Variants in LAMP2 observed in about 807,000 individuals in gnomAD.
LAMP2 encodes lysosome-associated membrane glycoprotein 2.
LAMP2 carries 4 observed loss-of-function variants against 25.6 expected under a neutral mutation model. The observed-to-expected ratio is 0.16, with a 90% CI of 0.08 to 0.36. The LOEUF (loss-of-function observed/expected upper bound fraction) is 0.36. Ranked by LOEUF, LAMP2 falls within the 10% of genes least tolerant of loss-of-function variation. LAMP2 has a pLI of 1.00. For missense variants in LAMP2, 272 were observed against 301.4 expected (o/e 0.90, Z 0.72); for synonymous variants, 108 against 112.7 (o/e 0.96, Z 0.27).
At chrX:120,435,553 C>T (rs1285879928) in intron 8 of LAMP2, among the ~76,000 whole-genome samples, 6 of 112,200 alleles carry the variant, frequency 5.3e-5, no homozygotes, top group African/African-American at 1.6e-4. Context: ...GTTCTTGATA[C>T]GTAACAAGTA....
chrX:120,435,474 C>T (rs1007831168), intron 8 of LAMP2, among the ~76,000 whole-genome samples: 3 of 111,954 alleles, frequency 2.7e-5, no homozygotes, highest in Non-Finnish European at 5.6e-5. Flanking sequence ...ATGTCCAAGT[C>T]TTATAAGAAT....
intron 8 of LAMP2, among the ~76,000 whole-genome samples, chrX:120,436,051 C>T (rs755057167): frequency 8.2e-5 from 9 of 109,659 alleles, no homozygotes; most frequent in Non-Finnish European, 1.3e-4. Context: ...AGAGATACTC[C>T]GCAGCTTTTA....
chrX:120,430,231 T>C lies in LAMP2; in HGVS notation c.*1092A>G, dbSNP rs1264113499. 1.3e-5 allele frequency: 10 copies of C among 753,332 alleles called. No homozygotes were observed. The highest frequency in any genetic ancestry group is 1.6e-5 in the Non-Finnish European group (10 of 639,157). The allele number at this position is 753,332 out of a possible 1,213,427, so 62.1% of individuals were successfully genotyped here. A position where few individuals can be genotyped will look rare whatever the true frequency, so the allele number is the denominator to read the frequency against. Reference sequence around the variant, plus strand: ...TCATGTCTGTGCTACTCTTATACCATGGAATATGCTTCAACAAGGGCTGAT... The same window carrying C: ...TCATGTCTGTGCTACTCTTATACCACGGAATATGCTTCAACAAGGGCTGAT... On this transcript the variant is annotated 3_prime_UTR_variant, in exon 9 of 9. Transcript: ENST00000200639.
chrX:120,445,724 T>C (rs2058592883), intron 6 of LAMP2, among the ~76,000 whole-genome samples: 1 of 112,338 alleles, frequency 8.9e-6, no homozygotes, highest in South Asian at 3.7e-4. Flanking sequence ...ACAGGTATGC[T>C]TAACCCAAAA....
intron 4 of LAMP2, 78 bp downstream of exon 4, chrX:120,448,889 GATA>G: frequency 1.1e-6 from 1 of 897,731 alleles, no homozygotes; most frequent in Non-Finnish European, 1.6e-6. Flanking sequence ...AATGCTTTCA[GATA>G]ATGACTTCAA....
At position 120,429,924 on chromosome X, in the gene LAMP2, T is replaced by G. The variant is rs976581946; in HGVS notation, c.*1399A>C. 2 of 750,714 alleles carry G rather than the reference T, an allele frequency of 2.7e-6. No individual in the cohort carries two copies. The highest frequency in any genetic ancestry group is 4.6e-5 in the African/African-American group (2 of 43,385). 61.9% of individuals were successfully genotyped at this position (750,714 alleles called of 1,213,427 possible). On this transcript the variant is annotated 3_prime_UTR_variant, in exon 9 of 9. Transcript: ENST00000200639. ...ATAACTTGTACTTTTCTTCTAATTT[T>G]AACTTTTCCTCCTCTTGTACTTTTA...
At position 120,442,036 on chromosome X, in the gene LAMP2, C is replaced by A. The variant is rs761449855; in HGVS notation, c.929-142G>T. On this transcript the variant is annotated intron_variant, in intron 7 of 8. Coordinates refer to ENST00000200639, the MANE Select transcript of LAMP2 (RefSeq NM_002294.3). ...GGCAGATCACGTGAGCCCAGGAGATCAAGACCAGCCTGGGCAACATGGTGA... is the reference window on the plus strand; with the variant it reads ...GGCAGATCACGTGAGCCCAGGAGATAAAGACCAGCCTGGGCAACATGGTGA... 32 of 503,148 alleles carry A rather than the reference C, an allele frequency of 6.4e-5. No homozygotes were observed. The African/African-American group carries it at 6.5e-4, about 10-fold the overall frequency. 41.5% of individuals were successfully genotyped at this position (503,148 alleles called of 1,213,427 possible).
In LAMP2 at chrX:120,446,228, TC is replaced by T. The variant is rs1318874145; in HGVS notation, c.864+76del. The stretch of plus-strand genomic sequence containing the variant: ...TGGAAAATAAAGCTAAATACCCCCC[TC>T]CCCCCATGCAACTATTTAGACTTTC... On this transcript the variant is annotated intron_variant, in intron 6 of 8. Coordinates refer to ENST00000200639, the MANE Select transcript of LAMP2 (RefSeq NM_002294.3). The T allele has an allele frequency of 6.7e-6, 6 of 899,671 alleles. No homozygotes were observed. In the Admixed American group the frequency reaches 6.8e-5, roughly 10 times the overall value. 74.1% of individuals were successfully genotyped at this position (899,671 alleles called of 1,213,427 possible).
chrX:120,444,173 G>A (rs1201792486), intron 6 of LAMP2, among the ~76,000 whole-genome samples: 1 of 111,808 alleles, frequency 8.9e-6, no homozygotes, highest in Non-Finnish European at 1.9e-5. Context: ...GGCAGGAGCT[G>A]TTTGAATGGT....
Position 120,430,768 on chromosome X carries a change from T to C in LAMP2, c.*555A>G, listed in dbSNP as rs891114974. 1 of 752,911 alleles carries C rather than the reference T, an allele frequency of 1.3e-6. No individual in the cohort carries two copies. Among genetic ancestry groups the C allele is most frequent in the African/African-American group, 2.3e-5 (1 of 43,248 alleles). The allele number at this position is 752,911 out of a possible 1,213,427, so 62.0% of individuals were successfully genotyped here. On this transcript the variant is annotated 3_prime_UTR_variant, in exon 9 of 9. Transcript: ENST00000200639. ...AAATCAGCAAAAGTCACATAACCTT[T>C]AAAATGCTGATGGTCCTGAGGACAT...
At position 120,456,782 on chromosome X, in the gene LAMP2, A is replaced by T. The variant is rs727503121; in HGVS notation, c.65-13T>A. On this transcript the variant is annotated splice_polypyrimidine_tract_variant and intron_variant, in intron 1 of 8. Coordinates refer to ENST00000200639, the MANE Select transcript of LAMP2 (RefSeq NM_002294.3). Reference sequence around the variant, plus strand: ...GACCGCACAGCTCCTGGATTCATTTAAAAAAATAATATTTTAAAATTGTAC... The same window carrying T: ...GACCGCACAGCTCCTGGATTCATTTTAAAAAATAATATTTTAAAATTGTAC... 58 of 949,102 alleles carry T rather than the reference A, an allele frequency of 6.1e-5. No individual in the cohort carries two copies. The highest frequency in any genetic ancestry group is 8.3e-5 in the Non-Finnish European group (56 of 675,302). 78.2% of individuals were successfully genotyped at this position (949,102 alleles called of 1,213,427 possible). A position where few individuals can be genotyped will look rare whatever the true frequency, so the allele number is the denominator to read the frequency against.
At chrX:120,435,112 C>A (rs1333874162) in intron 8 of LAMP2, among the ~76,000 whole-genome samples, 1 of 111,995 alleles carries the variant, frequency 8.9e-6, no homozygotes, top group Non-Finnish European at 1.9e-5. Context: ...CAAGCCTGGG[C>A]AACAGAGCGA....
At position 120,429,248 on chromosome X, in the gene LAMP2, C is replaced by T; in HGVS notation, c.*2075G>A. On this transcript the variant is annotated 3_prime_UTR_variant, in exon 9 of 9. Transcript: ENST00000200639. Reference sequence around the variant, plus strand: ...ACAGCAGTATCTAATGCGTTGCAGTCCATTCCACCGAACCACCAGGAAAGC... The same window carrying T: ...ACAGCAGTATCTAATGCGTTGCAGTTCATTCCACCGAACCACCAGGAAAGC... 3 of 748,778 alleles carry T rather than the reference C, an allele frequency of 4.0e-6. No individual in the cohort carries two copies. Among genetic ancestry groups the T allele is most frequent in the Non-Finnish European group, 4.7e-6 (3 of 638,926 alleles). 61.7% of individuals were successfully genotyped at this position (748,778 alleles called of 1,213,427 possible). A position where few individuals can be genotyped will look rare whatever the true frequency, so the allele number is the denominator to read the frequency against.
At chrX:120,436,129 T>TACACACACACAC (rs752616648) in intron 8 of LAMP2, among the ~76,000 whole-genome samples, 1 of 89,650 alleles carries the variant, frequency 1.1e-5, no homozygotes, top group African/African-American at 4.3e-5. Context: ...CAGGGGAGCT[T>TACACACACACAC]ACACACACAC....
At chrX:120,464,144 G>A (rs1921442571) in intron 1 of LAMP2, among the ~76,000 whole-genome samples, 1 of 111,010 alleles carries the variant, frequency 9.0e-6, no homozygotes, top group Non-Finnish European at 1.9e-5. Flanking sequence ...TACCCCCTTC[G>A]AGACTACGGA....
At position 120,446,380 on chromosome X, in the gene LAMP2, G is replaced by C; in HGVS notation, c.789C>G (p.Gly263=). ...GTAGAGCAGTGTGAGAACGGCAGCT[G>C]CCTGTGGAGTGAGTTGTATTGGGGT... is the stretch of plus-strand genomic sequence containing the variant. ...NINPNTTHST[G]SCRSHTALLR... The change falls in exon 6 of 9, where the codon GGC becomes GGG. Residue 263 remains glycine, a synonymous_variant. Coordinates refer to ENST00000200639, the MANE Select transcript of LAMP2 (RefSeq NM_002294.3). 2 of 1,205,162 alleles carry C rather than the reference G, an allele frequency of 1.7e-6. No homozygotes were observed. Among genetic ancestry groups the C allele is most frequent in the Non-Finnish European group, 2.2e-6 (2 of 889,559 alleles).
chrX:120,460,702 G>C (rs1226270173), intron 1 of LAMP2, among the ~76,000 whole-genome samples: 2 of 112,045 alleles, frequency 1.8e-5, no homozygotes, highest in African/African-American at 6.5e-5. Flanking sequence ...TGTAATCCCA[G>C]CACTTTGGGA....
intron 6 of LAMP2, among the ~76,000 whole-genome samples, chrX:120,443,077 T>C (rs2058580877): frequency 8.9e-6 from 1 of 111,880 alleles, no homozygotes; most frequent in Admixed American, 9.5e-5. Flanking sequence ...CCAGTCATTC[T>C]AATAATTTCA....
chrX:120,452,262 C>G (rs779621590), intron 3 of LAMP2, among the ~76,000 whole-genome samples: 1 of 110,792 alleles, frequency 9.0e-6, no homozygotes, highest in Non-Finnish European at 1.9e-5. Context: ...AGGCCCACTT[C>G]ATTTAGCCAA....
Sources: allele counts gnomAD v4.1 joint callset (sites outside exome capture counted in the v4.1 genomes callset), GRCh38; gene constraint gnomAD v4.1.1; transcripts MANE v1.5; gene names NCBI Gene and HGNC (gene_info 2026-07-23, HGNC 2026-07-21).